The following LRP1B variants were observed in gnomAD, a reference collection of about 807,000 sequenced individuals.
LRP1B encodes the protein LDL receptor related protein 1B.
Under a neutral mutation model 556.6 loss-of-function variants are expected in LRP1B, and 217 were observed. The observed-to-expected ratio is 0.39, with a 90% CI of 0.35 to 0.44. LRP1B has a LOEUF of 0.44. LRP1B is among the 20% of genes least tolerant of loss of function. LRP1B has a pLI of 1.00. For synonymous variants in LRP1B, 2,047 were observed against 1,865.8 expected, an observed-to-expected ratio of 1.10 and a Z score of -2.50; for missense variants, 5,053 against 5,620.8, an observed-to-expected ratio of 0.90 and a Z score of 3.23.
chr2:141,380,641 T>A (rs575281516), intron 3 of LRP1B, among the ~76,000 whole-genome samples: 1 of 152,162 alleles, frequency 6.6e-6, no homozygotes, highest in African/African-American at 2.4e-5. Flanking sequence ...TCTAAACACA[T>A]GTGCATGTAT....
intron 1 of LRP1B, among the ~76,000 whole-genome samples, chr2:141,864,608 G>A (rs556954523): frequency 2.6e-5 from 4 of 151,692 alleles, no homozygotes; most frequent in East Asian, 3.9e-4. Flanking sequence ...TGCGCCAGGC[G>A]CAGTGGCTCA....
At chr2:141,707,336 AG>A (rs1446609003) in intron 2 of LRP1B, among the ~76,000 whole-genome samples, 1 of 152,126 alleles carries the variant, frequency 6.6e-6, no homozygotes, top group African/African-American at 2.4e-5. Flanking sequence ...TATGAACAAA[AG>A]GTCCTACTGT....
intron 3 of LRP1B, among the ~76,000 whole-genome samples, chr2:141,395,133 A>G (rs1690195239): frequency 6.6e-6 from 1 of 152,098 alleles, no homozygotes; most frequent in South Asian, 2.1e-4. Flanking sequence ...TTAAAAATAA[A>G]TTGAATGTAG....
At chr2:140,771,120 G>T in intron 33 of LRP1B, 114 bp from the exon 34 acceptor site, 1 of 652,122 alleles carries the variant, frequency 1.5e-6, no homozygotes, top group Non-Finnish European at 2.5e-6. Context: ...AAATGCAGCT[G>T]TTTCATACTG....
At chr2:140,633,931 G>A (rs1224684791) in intron 41 of LRP1B, among the ~76,000 whole-genome samples, 2 of 152,094 alleles carry the variant, frequency 1.3e-5, no homozygotes, top group Admixed American at 1.3e-4. Context: ...AGAAAATACT[G>A]CTTCCTAGTC....
At chr2:140,950,762 G>A (rs1695690081) in intron 19 of LRP1B, among the ~76,000 whole-genome samples, 1 of 151,856 alleles carries the variant, frequency 6.6e-6, no homozygotes, top group Non-Finnish European at 1.5e-5. Flanking sequence ...AAAATACTGG[G>A]GTTATAGACG....
chr2:140,596,640 G>A (rs1364822380), intron 43 of LRP1B, among the ~76,000 whole-genome samples: 4 of 152,200 alleles, frequency 2.6e-5, no homozygotes, highest in Non-Finnish European at 1.5e-5. Flanking sequence ...AAGGCATGAG[G>A]AAGTGGTCAT....
At chr2:141,733,131 G>T (rs1485391452) in intron 2 of LRP1B, among the ~76,000 whole-genome samples, 1 of 152,042 alleles carries the variant, frequency 6.6e-6, no homozygotes, top group African/African-American at 2.4e-5. Flanking sequence ...GGCTATGTTT[G>T]CCTGAAGCTA....
intron 84 of LRP1B, among the ~76,000 whole-genome samples, chr2:140,280,475 G>C (rs1451247884): frequency 6.6e-6 from 1 of 151,578 alleles, no homozygotes; most frequent in Non-Finnish European, 1.5e-5. Flanking sequence ...TATGAACGAT[G>C]TGTAATTTGG....
chr2:141,599,361 A>C (rs186135632), intron 2 of LRP1B, among the ~76,000 whole-genome samples: 1 of 152,164 alleles, frequency 6.6e-6, no homozygotes, highest in East Asian at 1.9e-4. Flanking sequence ...TTGCTTCAGA[A>C]AGGGATTTTC....
At chr2:141,161,405 G>A (rs961907891) in intron 7 of LRP1B, among the ~76,000 whole-genome samples, 2 of 152,092 alleles carry the variant, frequency 1.3e-5, no homozygotes, top group African/African-American at 4.8e-5. Flanking sequence ...TACTTTATTT[G>A]TAGGTTAATC....
At chr2:141,947,231 A>G (rs1190880298) in intron 1 of LRP1B, among the ~76,000 whole-genome samples, 6 of 152,158 alleles carry the variant, frequency 3.9e-5, no homozygotes, top group African/African-American at 1.4e-4. Context: ...CAGGAGTTGG[A>G]GACCAGCGTG....
At chr2:141,304,732 C>G (rs921425351) in intron 3 of LRP1B, among the ~76,000 whole-genome samples, 3 of 151,812 alleles carry the variant, frequency 2.0e-5, no homozygotes, top group Non-Finnish European at 4.4e-5. Context: ...AACTCCTGAC[C>G]TCAAGTGATC....
At chr2:140,415,477 A>C (rs1349295326) in intron 66 of LRP1B, among the ~76,000 whole-genome samples, 1 of 152,108 alleles carries the variant, frequency 6.6e-6, no homozygotes, top group Non-Finnish European at 1.5e-5. Context: ...TGGTCCTACC[A>C]ATATGGGATG....
At chr2:141,627,400 T>G in intron 2 of LRP1B, among the ~76,000 whole-genome samples, 1 of 152,140 alleles carries the variant, frequency 6.6e-6, no homozygotes. Flanking sequence ...CTATACAATG[T>G]ATAGTATGTG....
At chr2:140,986,580 C>T (rs1343575041) in intron 17 of LRP1B, among the ~76,000 whole-genome samples, 1 of 150,250 alleles carries the variant, frequency 6.7e-6, no homozygotes, top group Non-Finnish European at 1.5e-5. Context: ...TTTTCTTAAG[C>T]TTTTTATAAG....
intron 1 of LRP1B, among the ~76,000 whole-genome samples, chr2:142,101,129 C>T (rs1002984941): frequency 6.6e-6 from 1 of 151,934 alleles, no homozygotes; most frequent in African/African-American, 2.4e-5. Flanking sequence ...AGAGTTTGTA[C>T]ATAAAGGAAT....
At chr2:140,473,167 C>T (rs1687838391) in intron 60 of LRP1B, among the ~76,000 whole-genome samples, 1 of 151,936 alleles carries the variant, frequency 6.6e-6, no homozygotes. Flanking sequence ...CAGGCTGGCT[C>T]CAATTAGTAC....
intron 1 of LRP1B, among the ~76,000 whole-genome samples, chr2:142,068,241 T>A (rs1401632375): frequency 1.3e-5 from 2 of 150,296 alleles, no homozygotes; most frequent in African/African-American, 4.8e-5. Flanking sequence ...CAAAATGGAG[T>A]TAACTGCCAC....
Sources: gnomAD v4.1 joint callset for allele counts (sites outside exome capture counted in the v4.1 genomes callset) on GRCh38, gnomAD v4.1.1 for gene constraint, MANE v1.5 for transcripts, NCBI Gene and HGNC (gene_info 2026-07-23, HGNC 2026-07-21) for gene names.